DENND1A: variants seen among roughly 807,000 people sequenced by gnomAD.
The protein encoded by DENND1A is DENN domain containing 1A.
Under a neutral mutation model 113.7 loss-of-function variants are expected in DENND1A, and 51 were observed. That is an observed-to-expected ratio of 0.45 (90% CI 0.36 to 0.57). DENND1A has a LOEUF of 0.57. Among genes scored for constraint, DENND1A ranks in the 20% least tolerant of loss-of-function variants. The pLI is 0.00. For synonymous variants in DENND1A, 565 were observed against 570.8 expected (o/e 0.99, Z 0.14); for missense variants, 1,258 against 1,395.9 (o/e 0.90, Z 1.57).
intron 6 of DENND1A, among the ~76,000 whole-genome samples, chr9:123,671,964 C>G (rs1420428678): frequency 1.3e-5 from 2 of 152,192 alleles, no homozygotes; most frequent in East Asian, 3.8e-4. Flanking sequence ...CTCTAAAATG[C>G]TCAAAAGAAC....
At chr9:123,746,866 T>G (rs1319424491) in intron 5 of DENND1A, among the ~76,000 whole-genome samples, 4 of 152,150 alleles carry the variant, frequency 2.6e-5, no homozygotes, top group Non-Finnish European at 5.9e-5. Flanking sequence ...GGCTATATTT[T>G]TCATATACTA....
intron 13 of DENND1A, among the ~76,000 whole-genome samples, chr9:123,508,567 A>T (rs2053172276): frequency 6.6e-6 from 1 of 152,244 alleles, no homozygotes; most frequent in Non-Finnish European, 1.5e-5. Context: ...AAAAAAGACA[A>T]GTGGACATCC....
chr9:123,579,982 G>A (rs2058812168), intron 12 of DENND1A, among the ~76,000 whole-genome samples: 1 of 152,160 alleles, frequency 6.6e-6, no homozygotes. Context: ...GGTCCCATTT[G>A]TGCACGCTGA....
At chr9:123,563,962 A>C (rs895475710) in intron 12 of DENND1A, among the ~76,000 whole-genome samples, 4 of 152,198 alleles carry the variant, frequency 2.6e-5, no homozygotes, top group African/African-American at 4.8e-5. Flanking sequence ...TCAGGGCATG[A>C]TGGCCTATTC....
chr9:123,574,472 C>G (rs1295711123), intron 12 of DENND1A, among the ~76,000 whole-genome samples: 1 of 152,056 alleles, frequency 6.6e-6, no homozygotes, highest in Non-Finnish European at 1.5e-5. Flanking sequence ...TTCATTTTAC[C>G]TAATTTGTCA....
intron 5 of DENND1A, among the ~76,000 whole-genome samples, chr9:123,687,305 T>G (rs1201218873): frequency 6.6e-6 from 1 of 152,200 alleles, no homozygotes; most frequent in African/African-American, 2.4e-5. Flanking sequence ...ATATGCAACT[T>G]GAGACACACA....
At chr9:123,730,582 C>T (rs936073287) in intron 5 of DENND1A, among the ~76,000 whole-genome samples, 43 of 152,084 alleles carry the variant, frequency 2.8e-4, no homozygotes, top group Non-Finnish European at 7.4e-5. Context: ...GTTAGAATGG[C>T]AATCATTAAA....
At chr9:123,546,562 A>C (rs1424726246) in intron 13 of DENND1A, among the ~76,000 whole-genome samples, 1 of 152,066 alleles carries the variant, frequency 6.6e-6, no homozygotes, top group Admixed American at 6.5e-5. Context: ...AAAAAAAAAA[A>C]ACAACAACTA....
chr9:123,449,253 C>T lies in DENND1A; in HGVS notation c.1356+1440G>A, dbSNP rs531665058. Among the ~76,000 whole-genome samples, 4 of 152,290 alleles carry T rather than the reference C, an allele frequency of 2.6e-5. No individual in the cohort carries two copies. The South Asian group carries it at 8.3e-4, about 32-fold the overall frequency. On this transcript the variant is annotated intron_variant, in intron 18 of 23. Coordinates refer to ENST00000394215, the MANE Select transcript of DENND1A (RefSeq NM_001352964.2). ...AGAGGAGCTTAAAGAAGGGTGGCAACAGGCCAGACGCGGTGGCTCACACCT... is the reference window on the plus strand; with the variant it reads ...AGAGGAGCTTAAAGAAGGGTGGCAATAGGCCAGACGCGGTGGCTCACACCT...
intron 21 of DENND1A, among the ~76,000 whole-genome samples, chr9:123,402,154 A>G (rs1181589735): frequency 1.3e-5 from 2 of 152,254 alleles, no homozygotes. Context: ...GCTATTGTGC[A>G]GAGCAAAAGT....
In DENND1A at chr9:123,383,761, T is replaced by C. The variant is rs1032943025; in HGVS notation, c.1913A>G (p.Asn638Ser). The change falls in exon 23 of 24, where the codon AAC (asparagine) becomes AGC (serine). Residue 638 changes from asparagine to serine, a missense_variant. Asn to Ser is a conservative substitution (Grantham distance 46). This residue lies in a region of DENND1A where 1,159 missense variants were observed against 1,231.7 expected (regional missense o/e 0.94). Coordinates refer to ENST00000394215, the MANE Select transcript of DENND1A (RefSeq NM_001352964.2). ...SIDLLEDVFS[N>S]LDMEAALQPL... ...CTGCAGTGCGGCCTCCATGTCCAGG[T>C]TGCTGAAGACGTCTTCCAGAAGGTC... The C allele has an allele frequency of 2.5e-6, 4 of 1,614,130 alleles. No individual in the cohort carries two copies. Among genetic ancestry groups the C allele is most frequent in the Admixed American group, 1.7e-5 (1 of 60,032 alleles).
At chr9:123,732,019 T>C (rs2068212796) in intron 5 of DENND1A, among the ~76,000 whole-genome samples, 1 of 152,210 alleles carries the variant, frequency 6.6e-6, no homozygotes, top group South Asian at 2.1e-4. Context: ...CAATAGCTCC[T>C]ACTACACACA....
chr9:123,895,059 C>CT lies in DENND1A; in HGVS notation c.18-16039dup, dbSNP rs753119053. 3.4e-3 allele frequency among the ~76,000 whole-genome samples: 489 copies of CT among 141,796 alleles called. 8 individuals carry two copies. Among genetic ancestry groups the CT allele is most frequent in the East Asian group, 0.016 (80 of 4,936 alleles). The allele number at this position is 141,796 out of a possible 152,430, so 93.0% of individuals were successfully genotyped here. A position where few individuals can be genotyped will look rare whatever the true frequency, so the allele number is the denominator to read the frequency against. The stretch of plus-strand genomic sequence containing the variant: ...TCAGAAACACTGCAGCTGCAAGTTC[C>CT]TTTTTTTTTTTTTTAAGAGACAGGG... On this transcript the variant is annotated intron_variant, in intron 1 of 23. Coordinates refer to ENST00000394215, the MANE Select transcript of DENND1A (RefSeq NM_001352964.2).
At chr9:123,589,647 G>GAAAAAAAAA (rs58211177) in intron 11 of DENND1A, among the ~76,000 whole-genome samples, 1 of 35,432 alleles carries the variant, frequency 2.8e-5, no homozygotes, top group Non-Finnish European at 6.3e-5. Context: ...TTCTCAGAAT[G>GAAAAAAAAA]AAAAAAAAAA....
intron 13 of DENND1A, chr9:123,491,862 T>C (rs1252763725): frequency 6.6e-6 from 1 of 152,230 alleles, no homozygotes; most frequent in African/African-American, 2.4e-5. Context: ...TCTGTAACCC[T>C]AGACTTGGGT....
intron 11 of DENND1A, among the ~76,000 whole-genome samples, chr9:123,606,512 A>G (rs2060160992): frequency 6.6e-6 from 1 of 152,216 alleles, no homozygotes; most frequent in African/African-American, 2.4e-5. Flanking sequence ...TGCAAAATGT[A>G]CGCATATTTT....
At chr9:123,590,700 T>C (rs2059416049) in intron 11 of DENND1A, among the ~76,000 whole-genome samples, 1 of 152,230 alleles carries the variant, frequency 6.6e-6, no homozygotes, top group South Asian at 2.1e-4. Context: ...ACTGTCAAAA[T>C]GCATTGAACC....
chr9:123,726,537 C>T (rs1461477548), intron 5 of DENND1A, among the ~76,000 whole-genome samples: 2 of 152,112 alleles, frequency 1.3e-5, no homozygotes, highest in African/African-American at 2.4e-5. Flanking sequence ...GTACACAGCA[C>T]AGAGCATTAA....
chr9:123,745,293 C>G (rs774409452), intron 5 of DENND1A, among the ~76,000 whole-genome samples: 2 of 152,180 alleles, frequency 1.3e-5, no homozygotes, highest in Non-Finnish European at 2.9e-5. Flanking sequence ...CAGGGACTGC[C>G]TCTTTCTCTA....
Sources: allele counts gnomAD v4.1 joint callset (sites outside exome capture counted in the v4.1 genomes callset), GRCh38; gene constraint gnomAD v4.1.1; regional missense constraint gnomAD v4.1.1; transcripts MANE v1.5; gene names NCBI Gene and HGNC (gene_info 2026-07-23, HGNC 2026-07-21).